Variants in NYNRIN observed in about 807,000 individuals in gnomAD.
NYNRIN encodes the protein NYN domain and retroviral integrase containing, also known as protein NYNRIN.
In NYNRIN, 86 loss-of-function variants were observed where a neutral mutation model predicts 146.6. That is an observed-to-expected ratio of 0.59 (90% CI 0.49 to 0.70). NYNRIN has a LOEUF of 0.70. NYNRIN is among the 30% of genes least tolerant of loss of function. NYNRIN has a pLI of 0.00. For missense variants in NYNRIN, 2,191 were observed against 2,377.7 expected (o/e 0.92, Z 1.63); for synonymous variants, 1,027 against 1,001.3 (o/e 1.03, Z -0.48).
At position 24,418,106 on chromosome 14, in the gene NYNRIN, C is replaced by T. The variant is rs993098175; in HGVS notation, c.*660C>T. 14 of 371,384 alleles carry T rather than the reference C, an allele frequency of 3.8e-5. No homozygotes were observed. Among genetic ancestry groups the T allele is most frequent in the Admixed American group, 6.5e-5 (2 of 30,752 alleles). The allele number at this position is 371,384 out of a possible 1,614,324, so 23.0% of individuals were successfully genotyped here. A position where few individuals can be genotyped will look rare whatever the true frequency, so the allele number is the denominator to read the frequency against. On this transcript the variant is annotated 3_prime_UTR_variant, in exon 9 of 9. Coordinates refer to ENST00000382554, the MANE Select transcript of NYNRIN (RefSeq NM_025081.3). ...GAGTGGGAGGATGGCCAGCCACAAG[C>T]CACCAGCTTGTCAGCATGGGAAGGG...
rs1252613161 is a variant in NYNRIN, at chr14:24,408,865, G to T, written c.1071G>T (p.Gly357=). ...WKAWTPGPAF[G]PLWPGAIAAT... is the part of the protein sequence containing the mutation. ...CCTGGACCCCGGGGCCAGCCTTTGG[G>T]CCATTGTGGCCGGGGGCTATTGCTG... The change falls in exon 4 of 9, where the codon GGG becomes GGT. Residue 357 remains glycine, a synonymous_variant. Transcript: ENST00000382554. The T allele has an allele frequency of 6.2e-7, 1 of 1,613,916 alleles. No individual in the cohort carries two copies. The highest frequency in any genetic ancestry group is 8.5e-7 in the Non-Finnish European group (1 of 1,179,896).
At position 24,419,053 on chromosome 14, in the gene NYNRIN, TG is replaced by T. The variant is rs2042967342; in HGVS notation, c.*1608del. The T allele has an allele frequency of 6.6e-6, 1 of 152,154 alleles. No homozygotes were observed. The highest frequency in any genetic ancestry group is 2.4e-5 in the African/African-American group (1 of 41,404). 9.4% of individuals were successfully genotyped at this position (152,154 alleles called of 1,614,324 possible). ...TAGCTGTTAACCCTGTCCAGAAAAATGATTGAGTGATAGCTGAGAAGTGGAA... is the reference window on the plus strand; with the variant it reads ...TAGCTGTTAACCCTGTCCAGAAAAATATTGAGTGATAGCTGAGAAGTGGAA... On this transcript the variant is annotated 3_prime_UTR_variant, in exon 9 of 9. Transcript: ENST00000382554.
chr14:24,406,315 A>G (rs1351193655), intron 2 of NYNRIN, among the ~76,000 whole-genome samples: 1 of 152,212 alleles, frequency 6.6e-6, no homozygotes, highest in East Asian at 1.9e-4. Context: ...GAAGCCACCC[A>G]TAATCTTCTT....
In NYNRIN at chr14:24,413,560, A is replaced by T. The variant is rs1003487566; in HGVS notation, c.2846+143A>T. On this transcript the variant is annotated intron_variant, in intron 8 of 8. Coordinates refer to ENST00000382554, the MANE Select transcript of NYNRIN (RefSeq NM_025081.3). The stretch of plus-strand genomic sequence containing the variant: ...GTCTTTATACTTGTGCCACATGTTT[A>T]TGTGTTCATAAACCACTTACAGTAG... 3.0e-5 allele frequency: 18 copies of T among 593,912 alleles called. No homozygotes were observed. In the East Asian group the frequency reaches 5.3e-4, roughly 17 times the overall value. The allele number at this position is 593,912 out of a possible 1,614,324, so 36.8% of individuals were successfully genotyped here. A position where few individuals can be genotyped will look rare whatever the true frequency, so the allele number is the denominator to read the frequency against.
At chr14:24,414,144 C>T (rs2042929455) in intron 8 of NYNRIN, among the ~76,000 whole-genome samples, 1 of 152,174 alleles carries the variant, frequency 6.6e-6, no homozygotes, top group Non-Finnish European at 1.5e-5. Flanking sequence ...GGGGCCAGAT[C>T]CCCCAGTCTT....
intron 4 of NYNRIN, among the ~76,000 whole-genome samples, chr14:24,410,644 CA>C (rs1299143311): frequency 6.6e-6 from 1 of 152,236 alleles, no homozygotes; most frequent in Non-Finnish European, 1.5e-5. Context: ...CCTTCCTCCA[CA>C]GTACTTACTG....
chr14:24,399,782 C>A, intron 2 of NYNRIN, among the ~76,000 whole-genome samples: 1 of 152,200 alleles, frequency 6.6e-6, no homozygotes, highest in East Asian at 1.9e-4. Context: ...ACTTTTCCAT[C>A]TGGGGAGCAA....
Position 24,409,304 on chromosome 14 carries a change from G to T in NYNRIN, c.1510G>T (p.Asp504Tyr), listed in dbSNP as rs1459499346. The T allele has an allele frequency of 6.2e-7, 1 of 1,614,034 alleles. No homozygotes were observed. The highest frequency in any genetic ancestry group is 1.1e-5 in the South Asian group (1 of 91,084). ...GGGGGATCAAGGGAGTATGCAGTTA[G>T]ATTTTAAGGGACTGGAAGAGGGACC... is the stretch of plus-strand genomic sequence containing the variant. ...EPGDQGSMQL[D>Y]FKGLEEGPAP... is the part of the protein sequence containing the mutation. Residue 504 changes from aspartate to tyrosine, a missense_variant, in exon 4 of 9, where the codon GAT becomes TAT. Asp to Tyr is a radical substitution (Grantham distance 160, BLOSUM62 -3). Around this residue, in one of 3 missense-constraint regions of NYNRIN, gnomAD observed 895 missense variants for 941.2 expected, o/e 0.95. Coordinates refer to ENST00000382554, the MANE Select transcript of NYNRIN (RefSeq NM_025081.3).
rs550900598 is a variant in NYNRIN at position 24,414,797 on chromosome 14, G to C, written c.3048G>C (p.Glu1016Asp). ...QGQGTQKAAE[E>D]DDLDSSLASV... ...AGGGCACACAGAAGGCGGCTGAGGA[G>C]GACGACCTTGACTCTTCGCTGGCGT... Residue 1016 changes from glutamate to aspartate, a missense_variant, in exon 9 of 9, where the codon GAG (glutamate) becomes GAC (aspartate). By Grantham distance (45) the Glu-to-Asp change is conservative. Transcript: ENST00000382554. 4.9e-5 allele frequency: 79 copies of C among 1,613,810 alleles called. No homozygotes were observed. The South Asian group carries it at 6.2e-4, about 13-fold the overall frequency.
At position 24,418,493 on chromosome 14, in the gene NYNRIN, C is replaced by G. The variant is rs1278243497; in HGVS notation, c.*1047C>G. The G allele has an allele frequency of 1.5e-5, 5 of 340,692 alleles. No homozygotes were observed. Among genetic ancestry groups the G allele is most frequent in the Non-Finnish European group, 2.9e-5 (5 of 172,764 alleles). The allele number at this position is 340,692 out of a possible 1,614,324, so 21.1% of individuals were successfully genotyped here. On this transcript the variant is annotated 3_prime_UTR_variant, in exon 9 of 9. Transcript: ENST00000382554. ...GTATCACCCCCCGAGTCCTGTGGAC[C>G]TGCCTTCTGTGTAGAGCAAAACCCA...
At chr14:24,406,575 G>A (rs1017916940) in intron 2 of NYNRIN, among the ~76,000 whole-genome samples, 2 of 152,230 alleles carry the variant, frequency 1.3e-5, no homozygotes, top group South Asian at 2.1e-4. Flanking sequence ...GAAGTTGCAG[G>A]TCTGTGGCCT....
In NYNRIN at chr14:24,411,174, C is replaced by G. The variant is rs747717073; in HGVS notation, c.2513C>G (p.Thr838Ser). 6.2e-7 allele frequency: 1 copy of G among 1,605,830 alleles called. No individual in the cohort carries two copies. Among genetic ancestry groups the G allele is most frequent in the Non-Finnish European group, 8.5e-7 (1 of 1,175,946 alleles). The change falls in exon 5 of 9, where the codon ACC becomes AGC. Residue 838 changes from threonine (T) to serine (S), a missense_variant. By Grantham distance (58) the Thr-to-Ser change is moderately conservative. Coordinates refer to ENST00000382554, the MANE Select transcript of NYNRIN (RefSeq NM_025081.3). This position sits in a 1 kb window ranked among gnomAD's most constrained non-coding sequence, Gnocchi z 4.3. ...CGAGAGGTCACTGTGTTTGTACCCA[C>G]CTGGCAGCTGAAGAAGAACCGGAGG... ...GHREVTVFVPTWQLKKNRRVR... is the reference protein window; with the variant it reads ...GHREVTVFVPSWQLKKNRRVR...
At position 24,408,446 on chromosome 14, in the gene NYNRIN, A is replaced by G. The variant is rs144241777; in HGVS notation, c.776A>G (p.Lys259Arg). The change falls in exon 3 of 9, where the codon AAG (lysine) becomes AGG (arginine). Residue 259 changes from lysine to arginine, a missense_variant. Coordinates refer to ENST00000382554, the MANE Select transcript of NYNRIN (RefSeq NM_025081.3). The part of the protein sequence containing the change: ...TLQNRGPENS[K>R]RLSSLGATGS... ...CAGAACAGGGGCCCAGAAAATTCAA[A>G]GAGATTATCTAGCCTGGGAGCCACT... 3 of 1,612,962 alleles carry G rather than the reference A, an allele frequency of 1.9e-6. No homozygotes were observed. In the South Asian group the frequency reaches 3.3e-5, roughly 18 times the overall value.
chr14:24,406,397 A>ATT (rs1013983142), intron 2 of NYNRIN, among the ~76,000 whole-genome samples: 20 of 151,988 alleles, frequency 1.3e-4, no homozygotes, highest in African/African-American at 4.4e-4. Flanking sequence ...GTGGGGGAAT[A>ATT]TTTGTTAAGG....
intron 7 of NYNRIN, 23 bp downstream of exon 7, chr14:24,413,121 G>C: frequency 6.6e-7 from 1 of 1,524,278 alleles, no homozygotes; most frequent in Non-Finnish European, 9.0e-7. Flanking sequence ...CCAGAGGCTT[G>C]AGCCATTCCT....
Position 24,416,426 on chromosome 14 carries a change from C to T in NYNRIN, c.4677C>T (p.Pro1559=), listed in dbSNP as rs557811511. The T allele has an allele frequency of 3.4e-5, 55 of 1,612,954 alleles. No homozygotes were observed. In the African/African-American group the frequency reaches 3.7e-4, roughly 11 times the overall value. ...HDIPLGAHQR[P]EETYKKLRLL... ...TTCCCTTGGGGGCCCACCAGAGGCC[C>T]GAAGAGACCTACAAGAAGTTGCGTT... Residue 1559 remains proline (P), a synonymous_variant, in exon 9 of 9, where the codon CCC becomes CCT. Coordinates refer to ENST00000382554, the MANE Select transcript of NYNRIN (RefSeq NM_025081.3).
Position 24,416,978 on chromosome 14 carries a change from G to A in NYNRIN, c.5229G>A (p.Leu1743=). 1 of 1,584,090 alleles carries A rather than the reference G, an allele frequency of 6.3e-7. No individual in the cohort carries two copies. Among genetic ancestry groups the A allele is most frequent in the Non-Finnish European group, 8.6e-7 (1 of 1,163,436 alleles). ...AGAAGTGGGCGGCCTCCCTGCCTTT[G>A]CTGCACCTGGCCTTCAGGGCCTCCT... is the stretch of plus-strand genomic sequence containing the variant. ...HGKKWAASLP[L]LHLAFRASST... is the part of the protein sequence containing the mutation. Residue 1743 remains leucine (L), a synonymous_variant, in exon 9 of 9, where the codon TTG becomes TTA. Coordinates refer to ENST00000382554, the MANE Select transcript of NYNRIN (RefSeq NM_025081.3).
chr14:24,411,081 G>T lies in NYNRIN; in HGVS notation c.2420G>T (p.Gly807Val). 1 of 1,613,754 alleles carries T rather than the reference G, an allele frequency of 6.2e-7. No individual in the cohort carries two copies. The highest frequency in any genetic ancestry group is 8.5e-7 in the Non-Finnish European group (1 of 1,179,854). The change falls in exon 5 of 9, where the codon GGC becomes GTC. Residue 807 changes from glycine to valine, a missense_variant. Gly to Val is a moderately radical substitution (Grantham distance 109). This residue lies in a region of NYNRIN where 1,291 missense variants were observed against 1,417.0 expected (regional missense o/e 0.91). Coordinates refer to ENST00000382554, the MANE Select transcript of NYNRIN (RefSeq NM_025081.3). This position sits in a 1 kb window ranked among gnomAD's most constrained non-coding sequence, Gnocchi z 4.3. ...CTTGTCCCACGACCCCACAGGCATG[G>T]CCTGCAGCACTTCTTCTCCTGCCGA... ...IDGSSVAMVH[G>V]LQHFFSCRGI... is the part of the protein sequence containing the mutation.
chr14:24,410,234 G>A (rs777998774), intron 4 of NYNRIN, 26 bp downstream of exon 4: 48 of 1,537,980 alleles, frequency 3.1e-5, no homozygotes, highest in Admixed American at 5.4e-5. Flanking sequence ...CGTGGGGTGG[G>A]CTGGGGATGC....
Sources: allele counts gnomAD v4.1 joint callset (sites outside exome capture counted in the v4.1 genomes callset), GRCh38; gene constraint gnomAD v4.1.1; regional missense constraint gnomAD v4.1.1; non-coding constraint Gnocchi (gnomAD v3.1); transcripts MANE v1.5; gene names NCBI Gene and HGNC (gene_info 2026-07-23, HGNC 2026-07-21).